Variants in ZBTB14 observed in about 807,000 individuals in gnomAD.
ZBTB14 encodes zinc finger and BTB domain-containing protein 14.
ZBTB14 carries 8 observed loss-of-function variants against 29.5 expected under a neutral mutation model. The ratio of observed to expected loss-of-function variants is 0.27; its 90% CI spans 0.16 to 0.49. ZBTB14 has a LOEUF of 0.49. ZBTB14 is among the 20% of genes least tolerant of loss of function. The probability of loss-of-function intolerance (pLI) is 0.99; values close to 1 mark genes in which losing one functional copy is unlikely to be tolerated. For synonymous variants in ZBTB14, 226 were observed against 207.2 expected (o/e 1.09, Z -0.78); for missense variants, 333 against 563.8 (o/e 0.59, Z 4.15).
At chr18:5,296,573 A>C (rs980456514), upstream of ZBTB14, among the ~76,000 whole-genome samples, 1 of 151,494 alleles carries the variant, frequency 6.6e-6, no homozygotes, top group Non-Finnish European at 1.5e-5. Context: ...ACCGGCCGAC[A>C]CCGGGAGGCG....
In ZBTB14 at chr18:5,290,456, A is replaced by C. The variant is rs2071785360; in HGVS notation, c.*402T>G. On this transcript the variant is annotated 3_prime_UTR_variant, in exon 4 of 4. Transcript: ENST00000651870. Reference sequence around the variant, plus strand: ...TATTAAAACTGCTCTTTTGACCATAAGTCACATAGAATTGTGATTAGGAAA... The same window carrying C: ...TATTAAAACTGCTCTTTTGACCATACGTCACATAGAATTGTGATTAGGAAA... The C allele has an allele frequency of 6.1e-6, 1 of 162,960 alleles. No homozygotes were observed. The highest frequency in any genetic ancestry group is 6.2e-5 in the Admixed American group (1 of 16,230). 10.1% of individuals were successfully genotyped at this position (162,960 alleles called of 1,614,324 possible).
At chr18:5,296,399 C>G (rs971881878), upstream of ZBTB14, among the ~76,000 whole-genome samples, 3 of 150,140 alleles carry the variant, frequency 2.0e-5, no homozygotes, top group East Asian at 4.0e-4. Context: ...TCCGCCCGCG[C>G]CCGGCGCCGG....
At position 5,290,715 on chromosome 18, in the gene ZBTB14, T is replaced by G; in HGVS notation, c.*143A>C. ...CCATTTCCTTGAAAAGTCTTAAAAATAGCTAACCAAGCACTGCCTTAAGTC... is the reference window on the plus strand; with the variant it reads ...CCATTTCCTTGAAAAGTCTTAAAAAGAGCTAACCAAGCACTGCCTTAAGTC... On this transcript the variant is annotated 3_prime_UTR_variant, in exon 4 of 4. Coordinates refer to ENST00000651870, the MANE Select transcript of ZBTB14 (RefSeq NM_001243702.2). The G allele has an allele frequency of 3.1e-6, 4 of 1,287,616 alleles. No homozygotes were observed. In the South Asian group the frequency reaches 6.0e-5, roughly 19 times the overall value. 79.8% of individuals were successfully genotyped at this position (1,287,616 alleles called of 1,614,324 possible).
At position 5,293,225 on chromosome 18, in the gene ZBTB14, T is replaced by C; in HGVS notation, c.3+19A>G. The C allele has an allele frequency of 6.2e-7, 1 of 1,611,712 alleles. No homozygotes were observed. Among genetic ancestry groups the C allele is most frequent in the Non-Finnish European group, 8.5e-7 (1 of 1,179,260 alleles). ...CCAAGTCATTTTCATCAAGATTTAA[T>C]ATCCAAAGTTATAGTTACCATGAAC... On this transcript the variant is annotated intron_variant, in intron 3 of 3. Coordinates refer to ENST00000651870, the MANE Select transcript of ZBTB14 (RefSeq NM_001243702.2).
chr18:5,292,407 CTAAG>C (rs1201346488), intron 3 of ZBTB14, among the ~76,000 whole-genome samples: 1 of 152,294 alleles, frequency 6.6e-6, no homozygotes, highest in East Asian at 1.9e-4. Flanking sequence ...CTTCAATTTA[CTAAG>C]TATTTGCCTA....
Position 5,291,506 on chromosome 18 carries a change from C to T in ZBTB14, c.702G>A (p.Gln234=). Reference sequence around the variant, plus strand: ...CATTAAATGTTAAGGCTTGAGGGGTCTGGGACCCCAAGTCTTTTGATTCTG... The same window carrying T: ...CATTAAATGTTAAGGCTTGAGGGGTTTGGGACCCCAAGTCTTTTGATTCTG... ...ETPESKDLGS[Q]TPQALTFNDG... Residue 234 remains glutamine, a synonymous_variant, in exon 4 of 4, where the codon CAG becomes CAA. Coordinates refer to ENST00000651870, the MANE Select transcript of ZBTB14 (RefSeq NM_001243702.2). This position sits in a 1 kb window ranked among gnomAD's most constrained non-coding sequence, Gnocchi z 5.8. 1 of 1,614,194 alleles carries T rather than the reference C, an allele frequency of 6.2e-7. No individual in the cohort carries two copies. The highest frequency in any genetic ancestry group is 8.5e-7 in the Non-Finnish European group (1 of 1,180,046).
upstream of ZBTB14, chr18:5,296,126 CG>C (rs1468596243): frequency 6.6e-6 from 1 of 151,796 alleles, no homozygotes. Flanking sequence ...GGAACCCGAC[CG>C]GGTCTCTAAG....
chr18:5,292,941 A>G (rs991145058), intron 3 of ZBTB14, among the ~76,000 whole-genome samples: 1 of 152,170 alleles, frequency 6.6e-6, no homozygotes, highest in African/African-American at 2.4e-5. Context: ...CTAGATGCCA[A>G]TCTACCTGCA....
intron 3 of ZBTB14, 42 bp from the exon 4 acceptor site, chr18:5,292,246 T>A (rs1370917912): frequency 7.2e-7 from 1 of 1,393,248 alleles, no homozygotes; most frequent in Non-Finnish European, 9.4e-7. Flanking sequence ...AATAGTACTT[T>A]TCCATATAGA....
At chr18:5,292,660 C>T (rs893742889) in intron 3 of ZBTB14, among the ~76,000 whole-genome samples, 4 of 152,164 alleles carry the variant, frequency 2.6e-5, no homozygotes, top group African/African-American at 7.2e-5. Context: ...GAAACAGGTT[C>T]AAGGGAACAA....
chr18:5,290,503 G>C lies in ZBTB14; in HGVS notation c.*355C>G. 1 of 226,352 alleles carries C rather than the reference G, an allele frequency of 4.4e-6. No individual in the cohort carries two copies. The highest frequency in any genetic ancestry group is 8.7e-6 in the Non-Finnish European group (1 of 114,804). 14.0% of individuals were successfully genotyped at this position (226,352 alleles called of 1,614,324 possible). ...GAAATCAATTTACTTATTACTCTGTGCAGGGCACTTGCTAGGGTGGTGAGT... is the reference window on the plus strand; with the variant it reads ...GAAATCAATTTACTTATTACTCTGTCCAGGGCACTTGCTAGGGTGGTGAGT... On this transcript the variant is annotated 3_prime_UTR_variant, in exon 4 of 4. Transcript: ENST00000651870.
Position 5,290,596 on chromosome 18 carries a change from TA to T in ZBTB14, c.*261del, listed in dbSNP as rs34214240. On this transcript the variant is annotated 3_prime_UTR_variant, in exon 4 of 4. Coordinates refer to ENST00000651870, the MANE Select transcript of ZBTB14 (RefSeq NM_001243702.2). ...CACAGGAGTTCTCAAATTAAAATAA[TA>T]AAAAAAAAAAAGGGAGAGAGGTGCT... The T allele has an allele frequency of 0.054, 17,765 of 331,776 alleles. 132 individuals carry two copies. The highest frequency in any genetic ancestry group is 0.12 in the East Asian group (2,103 of 17,816). 20.6% of individuals were successfully genotyped at this position (331,776 alleles called of 1,614,324 possible). A position where few individuals can be genotyped will look rare whatever the true frequency, so the allele number is the denominator to read the frequency against.
At position 5,292,169 on chromosome 18, in the gene ZBTB14, A is replaced by G. The variant is rs2071830281; in HGVS notation, c.39T>C (p.Tyr13=). 1.9e-6 allele frequency: 3 copies of G among 1,583,276 alleles called. No homozygotes were observed. The highest frequency in any genetic ancestry group is 2.6e-6 in the Non-Finnish European group (3 of 1,175,220). The part of the protein sequence containing the change: ...FFISMSETIK[Y]NDDDHKTLFL... ...ACAGAGTTTTATGATCATCGTCATT[A>G]TATTTAATGGTTTCAGACATACTGA... The change falls in exon 4 of 4, where the codon TAT becomes TAC. Residue 13 remains tyrosine, a synonymous_variant. Transcript: ENST00000651870.
chr18:5,291,054 CCT>C lies in ZBTB14; in HGVS notation c.1152_1153del (p.Glu386LysfsTer17), dbSNP rs1419956206. On this transcript the variant is annotated frameshift_variant, in exon 4 of 4. Transcript: ENST00000651870. LOFTEE classifies it high-confidence loss of function. The surrounding 1 kb of genome is among the most constrained non-coding windows in gnomAD (Gnocchi z 5.8). ...GGAGCCACACACAAAAGGCTTTTCC[CCT>C]CTGTGTCTTCTTTCATGATCCTTGA... 3.7e-6 allele frequency: 6 copies of C among 1,614,234 alleles called. No homozygotes were observed. Among genetic ancestry groups the C allele is most frequent in the South Asian group, 1.1e-5 (1 of 91,090 alleles).
chr18:5,293,048 G>T (rs2071853402), intron 3 of ZBTB14, among the ~76,000 whole-genome samples, 196 bp downstream of exon 3: 1 of 152,198 alleles, frequency 6.6e-6, no homozygotes, highest in Admixed American at 6.5e-5. Context: ...AAAGATCTCT[G>T]TCATCATGTT....
Position 5,293,369 on chromosome 18 carries a change from T to C in ZBTB14, c.-81-42A>G, listed in dbSNP as rs971592425. On this transcript the variant is annotated intron_variant, in intron 2 of 3. Transcript: ENST00000651870. ...AAACAAGAATGAGGTAGGATCTTCCTGTATCCCAAATCCTAAACCAAGAAT... is the reference window on the plus strand; with the variant it reads ...AAACAAGAATGAGGTAGGATCTTCCCGTATCCCAAATCCTAAACCAAGAAT... 4.0e-6 allele frequency: 4 copies of C among 991,158 alleles called. No homozygotes were observed. The Admixed American group carries it at 7.7e-5, about 19-fold the overall frequency. The allele number at this position is 991,158 out of a possible 1,614,324, so 61.4% of individuals were successfully genotyped here.
At chr18:5,296,656 A>G (rs1421526442), upstream of ZBTB14, among the ~76,000 whole-genome samples, 1 of 151,980 alleles carries the variant, frequency 6.6e-6, no homozygotes, top group Non-Finnish European at 1.5e-5. Flanking sequence ...GGTGCACAAT[A>G]AACACTTGCA....
At chr18:5,294,151 T>C (rs1356328624) in intron 1 of ZBTB14, 150 bp from the exon 2 acceptor site, 2 of 152,206 alleles carry the variant, frequency 1.3e-5, no homozygotes, top group Non-Finnish European at 2.9e-5. Flanking sequence ...AAACCCATAA[T>C]AAGCTCCTTC....
Position 5,291,199 on chromosome 18 carries a change from C to T in ZBTB14, c.1009G>A (p.Val337Met), listed in dbSNP as rs766905979. Residue 337 changes from valine to methionine, a missense_variant, in exon 4 of 4, where the codon GTG becomes ATG. Around this residue, in one of 3 missense-constraint regions of ZBTB14, gnomAD observed 140 missense variants for 274.6 expected, o/e 0.51. Transcript: ENST00000651870. The surrounding 1 kb of genome is among the most constrained non-coding windows in gnomAD (Gnocchi z 5.8). ...GCACGGATAAATGATTTTCCACACA[C>T]CTCACAGCTATAGGGCTTATATCCT... ...HTGYKPYSCE[V>M]CGKSFIRAPD... 5.6e-6 allele frequency: 9 copies of T among 1,614,124 alleles called. No homozygotes were observed. The highest frequency in any genetic ancestry group is 6.8e-6 in the Non-Finnish European group (8 of 1,180,058).
Sources: allele counts gnomAD v4.1 joint callset (sites outside exome capture counted in the v4.1 genomes callset), GRCh38; gene constraint gnomAD v4.1.1; regional missense constraint gnomAD v4.1.1; non-coding constraint Gnocchi (gnomAD v3.1); transcripts MANE v1.5; gene names NCBI Gene and HGNC (gene_info 2026-07-23, HGNC 2026-07-21).